The following RBM4 variants were observed in gnomAD, a reference collection of about 807,000 sequenced individuals.
The protein encoded by RBM4 is RNA binding motif protein 4.
A neutral mutation model predicts 29.5 loss-of-function variants in RBM4; 7 were observed. That is an observed-to-expected ratio of 0.24 (90% CI 0.14 to 0.45). The LOEUF (loss-of-function observed/expected upper bound fraction) is 0.45, where lower values mean the gene tolerates loss of function less well. Ranked by LOEUF, RBM4 falls within the 20% of genes least tolerant of loss-of-function variation. The pLI is 1.00. For missense variants in RBM4, 387 were observed against 502.3 expected (o/e 0.77, Z 2.19); for synonymous variants, 220 against 205.4 (o/e 1.07, Z -0.61).
intron 3 of RBM4, among the ~76,000 whole-genome samples, chr11:66,645,133 G>A (rs778432248): frequency 6.6e-6 from 1 of 152,058 alleles, no homozygotes; most frequent in Non-Finnish European, 1.5e-5. Context: ...ATACTCTTGA[G>A]CCAGCAGCTC....
intron 1 of RBM4, chr11:66,639,457 A>G (rs1383107436): frequency 1.8e-6 from 1 of 564,058 alleles, no homozygotes; most frequent in East Asian, 3.0e-5. Flanking sequence ...ATCGGTTCTT[A>G]CCAAACCCTT....
intron 2 of RBM4, among the ~76,000 whole-genome samples, chr11:66,653,518 C>T (rs908904135): frequency 2.0e-5 from 3 of 152,060 alleles, no homozygotes; most frequent in African/African-American, 4.8e-5. Flanking sequence ...CATGCCACCA[C>T]GCCCAGCTTA....
intron 2 of RBM4, among the ~76,000 whole-genome samples, chr11:66,660,989 T>G (rs552282358): frequency 6.6e-5 from 10 of 152,290 alleles, no homozygotes; most frequent in African/African-American, 2.4e-4. Flanking sequence ...CTCAGTAGCC[T>G]TAATTGCTGG....
chr11:66,641,172 A>C (rs1938443300), intron 2 of RBM4: 1 of 152,134 alleles, frequency 6.6e-6, no homozygotes, highest in South Asian at 2.1e-4. Context: ...ATAAAAAATA[A>C]AAAAAGCCTT....
downstream of RBM4, among the ~76,000 whole-genome samples, chr11:66,648,490 A>ACAGCCTGGGTGTCT (rs1317348100): frequency 6.6e-6 from 1 of 151,952 alleles, no homozygotes; most frequent in Non-Finnish European, 1.5e-5. Context: ...CCACTGCACT[A>ACAGCCTGGGTGTCT]CAGCCTGGGT....
rs1159179642 is a variant in RBM4 at position 66,644,077 on chromosome 11, T to C, written c.1040T>C (p.Met347Thr). The change falls in exon 3 of 4, where the codon ATG becomes ACG. Residue 347 changes from methionine to threonine, a missense_variant. By Grantham distance (81) the Met-to-Thr change is moderately conservative. Around this residue, in one of 2 missense-constraint regions of RBM4, gnomAD observed 281 missense variants for 288.7 expected, o/e 0.97. Transcript: ENST00000310092. Reference protein sequence around the residue: ...SAAARNSLYDMARYEREQYAD... With the variant: ...SAAARNSLYDTARYEREQYAD... ...GCCGCGCGGAATTCTCTGTACGACA[T>C]GGCCCGGTATGAGCGGGAGCAGTAT... is the stretch of plus-strand genomic sequence containing the variant. 1.9e-6 allele frequency: 3 copies of C among 1,613,874 alleles called. No individual in the cohort carries two copies. The highest frequency in any genetic ancestry group is 3.3e-5 in the Admixed American group (2 of 59,986).
intron 2 of RBM4, chr11:66,665,401 A>G: frequency 1.6e-6 from 1 of 638,858 alleles, no homozygotes; most frequent in Non-Finnish European, 2.8e-6. Flanking sequence ...TACAGAGACT[A>G]GTTTCAGGAG....
rs1938542500 is a variant in RBM4 at position 66,643,220 on chromosome 11, G to A, written c.413-230G>A. 6.6e-6 allele frequency among the ~76,000 whole-genome samples: 1 copy of A among 151,850 alleles called. No individual in the cohort carries two copies. Among genetic ancestry groups the A allele is most frequent in the Non-Finnish European group, 1.5e-5 (1 of 67,998 alleles). ...AGTTTATTTCTTAAGCATTTAAACT[G>A]TTGTTATAGCTGAAATATTTCTTCA... is the stretch of plus-strand genomic sequence containing the variant. On this transcript the variant is annotated intron_variant, in intron 2 of 3. Coordinates refer to ENST00000310092, the MANE Select transcript of RBM4 (RefSeq NM_002896.4). The surrounding 1 kb of genome is among the most constrained non-coding windows in gnomAD (Gnocchi z 6.1).
chr11:66,639,398 C>T (rs1938339603), intron 1 of RBM4: 2 of 375,434 alleles, frequency 5.3e-6, no homozygotes, highest in Non-Finnish European at 9.6e-6. Flanking sequence ...AAGCCTAGTA[C>T]CCCCATTTCT....
At chr11:66,642,776 T>C (rs1938523387) in intron 2 of RBM4, among the ~76,000 whole-genome samples, 2 of 152,194 alleles carry the variant, frequency 1.3e-5, no homozygotes, top group South Asian at 2.1e-4. Context: ...TAAAATTAAC[T>C]GTCAGATTGT....
intron 2 of RBM4, among the ~76,000 whole-genome samples, chr11:66,662,451 G>A (rs966314226): frequency 2.0e-5 from 3 of 152,028 alleles, no homozygotes; most frequent in African/African-American, 7.2e-5. Context: ...GCCCAGGCTG[G>A]AGTGCATTGG....
chr11:66,650,162 T>G (rs1349483344), downstream of RBM4, among the ~76,000 whole-genome samples: 2 of 152,224 alleles, frequency 1.3e-5, no homozygotes, highest in Non-Finnish European at 2.9e-5. Flanking sequence ...CATACTATTT[T>G]GTATTGATGA....
chr11:66,657,707 AATT>A (rs1938977158), intron 2 of RBM4, among the ~76,000 whole-genome samples: 1 of 150,352 alleles, frequency 6.7e-6, no homozygotes, highest in African/African-American at 2.5e-5. Flanking sequence ...AAAAAAAAAA[AATT>A]ATAGGCATGA....
At chr11:66,657,108 C>A (rs1005336966) in intron 2 of RBM4, among the ~76,000 whole-genome samples, 3 of 93,394 alleles carry the variant, frequency 3.2e-5, no homozygotes, top group East Asian at 6.8e-4. Flanking sequence ...ATTTTTTAGT[C>A]TTTTTTTTTT....
chr11:66,648,302 T>G (rs1020918382), downstream of RBM4, among the ~76,000 whole-genome samples: 14 of 151,974 alleles, frequency 9.2e-5, no homozygotes, highest in African/African-American at 3.1e-4. Context: ...AAGCAGGTTG[T>G]TTGAGCTCAG....
chr11:66,646,377 C>T lies in RBM4; in HGVS notation c.*359C>T, dbSNP rs1590866818. The stretch of plus-strand genomic sequence containing the variant: ...GGGAATGACCTTGGTGAGAGTCTCA[C>T]TGCTCCAGGGTCTCTTTTTGGTCCA... On this transcript the variant is annotated 3_prime_UTR_variant, in exon 4 of 4. Transcript: ENST00000310092. 3 of 1,182,868 alleles carry T rather than the reference C, an allele frequency of 2.5e-6. No homozygotes were observed. The highest frequency in any genetic ancestry group is 2.1e-6 in the Non-Finnish European group (2 of 950,150). 73.3% of individuals were successfully genotyped at this position (1,182,868 alleles called of 1,614,324 possible).
downstream of RBM4, among the ~76,000 whole-genome samples, chr11:66,646,876 T>G (rs1938707513): frequency 6.6e-6 from 1 of 152,190 alleles, no homozygotes; most frequent in Admixed American, 6.5e-5. Flanking sequence ...TCGTGCCATG[T>G]GAAAAAATGA....
chr11:66,653,249 C>T (rs1938870259), intron 2 of RBM4, among the ~76,000 whole-genome samples: 1 of 152,108 alleles, frequency 6.6e-6, no homozygotes, highest in South Asian at 2.1e-4. Flanking sequence ...TTTCTTCTGC[C>T]TCTGCCGCCC....
chr11:66,658,879 T>C (rs1258744575), intron 2 of RBM4, among the ~76,000 whole-genome samples: 18 of 151,118 alleles, frequency 1.2e-4, no homozygotes, highest in Non-Finnish European at 2.9e-5. Context: ...GGAGGTTCTA[T>C]TGAGCCAAGA....
Sources: gnomAD v4.1 joint callset for allele counts (sites outside exome capture counted in the v4.1 genomes callset) on GRCh38, gnomAD v4.1.1 for gene constraint, gnomAD v4.1.1 regional missense constraint, Gnocchi (gnomAD v3.1) non-coding constraint, MANE v1.5 for transcripts, NCBI Gene and HGNC (gene_info 2026-07-23, HGNC 2026-07-21) for gene names.